Variants in NPR3 observed in about 807,000 individuals in gnomAD.
The protein encoded by NPR3 is natriuretic peptide receptor 3, also known as atrial natriuretic peptide receptor 3.
A neutral mutation model predicts 54.5 loss-of-function variants in NPR3; 34 were observed. The ratio of observed to expected loss-of-function variants is 0.62; its 90% confidence interval spans 0.47 to 0.83. The LOEUF is 0.83. Ranked by LOEUF, NPR3 falls within the 40% of genes least tolerant of loss-of-function variation. NPR3 has a pLI of 0.00. For synonymous variants in NPR3, 289 were observed against 297.1 expected, an observed-to-expected ratio of 0.97 and a Z score of 0.28; for missense variants, 674 against 720.8, an observed-to-expected ratio of 0.94 and a Z score of 0.74.
intron 2 of NPR3, among the ~76,000 whole-genome samples, chr5:32,736,983 G>GCAAAC (rs1327823705): frequency 6.6e-5 from 10 of 152,176 alleles, no homozygotes; most frequent in African/African-American, 2.4e-4. Flanking sequence ...AGATGCCTCT[G>GCAAAC]CAAACATTTT....
At chr5:32,704,879 G>A (rs1261870820), upstream of NPR3, among the ~76,000 whole-genome samples, 1 of 152,166 alleles carries the variant, frequency 6.6e-6, no homozygotes, top group African/African-American at 2.4e-5. Flanking sequence ...TTGGAAGAAG[G>A]CAGCGTACAA....
chr5:32,753,684 A>G (rs969954805), intron 3 of NPR3, among the ~76,000 whole-genome samples: 1 of 134,910 alleles, frequency 7.4e-6, no homozygotes, highest in Non-Finnish European at 1.5e-5. Context: ...ACAAAACATT[A>G]GAGGTTCAGT....
intron 5 of NPR3, among the ~76,000 whole-genome samples, chr5:32,781,529 C>G (rs1053892483): frequency 6.6e-6 from 1 of 152,168 alleles, no homozygotes; most frequent in African/African-American, 2.4e-5. Flanking sequence ...CTGTTTTCCT[C>G]TTTGTATGTA....
chr5:32,693,653 T>G (rs1740454775), intron 1 of NPR3, among the ~76,000 whole-genome samples: 1 of 152,238 alleles, frequency 6.6e-6, no homozygotes, highest in African/African-American at 2.4e-5. Context: ...AAATATAACT[T>G]GGGCCACATC....
At position 32,711,787 on chromosome 5, in the gene NPR3, T is replaced by C; in HGVS notation, c.11T>C (p.Leu4Pro). 1 of 1,430,996 alleles carries C rather than the reference T, an allele frequency of 7.0e-7. No individual in the cohort carries two copies. The highest frequency in any genetic ancestry group is 9.2e-7 in the Non-Finnish European group (1 of 1,091,288). 88.6% of individuals were successfully genotyped at this position (1,430,996 alleles called of 1,614,324 possible). A position where few individuals can be genotyped will look rare whatever the true frequency, so the allele number is the denominator to read the frequency against. ...CTTTCTTGCGGCACGATGCCGTCTC[T>C]GCTGGTGCTCACTTTCTCCCCGTGC... is the stretch of plus-strand genomic sequence containing the variant. MPS[L>P]LVLTFSPCVL... The change falls in exon 1 of 8, where the codon CTG becomes CCG. Residue 4 changes from leucine (L) to proline (P), a missense_variant. Transcript: ENST00000265074.
chr5:32,751,011 G>A (rs553525162), intron 3 of NPR3, among the ~76,000 whole-genome samples: 71 of 152,174 alleles, frequency 4.7e-4, no homozygotes, highest in Middle Eastern at 6.8e-3. Flanking sequence ...GCTCTTTGTT[G>A]GCTTTTAAAA....
At chr5:32,780,926 A>G in intron 5 of NPR3, 110 bp downstream of exon 5, 1 of 622,818 alleles carries the variant, frequency 1.6e-6, no homozygotes, top group Middle Eastern at 2.8e-4. Context: ...TTCCAAATAA[A>G]AATGAGTTGA....
At chr5:32,717,090 G>A (rs1738599358) in intron 1 of NPR3, among the ~76,000 whole-genome samples, 1 of 148,990 alleles carries the variant, frequency 6.7e-6, no homozygotes, top group Non-Finnish European at 1.5e-5. Context: ...ACCTATGAGT[G>A]AGAACATGTG....
intron 3 of NPR3, among the ~76,000 whole-genome samples, chr5:32,756,485 T>C (rs1740847334): frequency 6.6e-6 from 1 of 152,256 alleles, no homozygotes. Context: ...TTGAGTTCTT[T>C]GTAGATTCCG....
upstream of NPR3, chr5:32,710,853 G>C (rs1289586500): frequency 2.7e-6 from 3 of 1,118,074 alleles, no homozygotes; most frequent in Admixed American, 8.0e-5. Context: ...CTTTCCCCCA[G>C]TCCTGGTTTT....
intron 1 of NPR3, chr5:32,713,297 C>T (rs1738365322): frequency 1.0e-6 from 1 of 985,332 alleles, no homozygotes; most frequent in Non-Finnish European, 1.2e-6. Context: ...TCCACCTGTC[C>T]CCCAAGTTTT....
intron 3 of NPR3, among the ~76,000 whole-genome samples, chr5:32,749,942 T>A (rs1186844755): frequency 2.0e-5 from 3 of 152,200 alleles, no homozygotes; most frequent in Admixed American, 2.0e-4. Context: ...TGAGAGCTCC[T>A]TATACAGACT....
In NPR3 at chr5:32,783,196, C is replaced by T. The variant is rs192121769; in HGVS notation, c.1426+168C>T. The stretch of plus-strand genomic sequence containing the variant: ...GTTCACAAACTGGCATCTTTCAGGT[C>T]TTCCTTCCCTTCCAGTCTTCTCTTC... On this transcript the variant is annotated intron_variant, in intron 6 of 7. Transcript: ENST00000265074. 6.8e-5 allele frequency: 36 copies of T among 526,296 alleles called. 1 individual carries two copies. The Admixed American group carries it at 1.1e-3, about 16-fold the overall frequency. The allele number at this position is 526,296 out of a possible 1,614,324, so 32.6% of individuals were successfully genotyped here.
intron 1 of NPR3, chr5:32,716,804 A>G (rs576014910): frequency 5.8e-5 from 9 of 153,896 alleles, no homozygotes; most frequent in African/African-American, 2.2e-4. Context: ...CTATGGATTT[A>G]TAATTAAATA....
In NPR3 at chr5:32,785,032, C is replaced by G. The variant is rs538668365; in HGVS notation, c.1514+149C>G. On this transcript the variant is annotated intron_variant, in intron 7 of 7. Coordinates refer to ENST00000265074, the MANE Select transcript of NPR3 (RefSeq NM_001204375.2). ...ATCTCAGCCATTCTTTTGGCAGGAC[C>G]CCAGGTTTGGTGTGGTCAGTGGTTT... 1.7e-5 allele frequency: 12 copies of G among 691,536 alleles called. No individual in the cohort carries two copies. The Admixed American group carries it at 2.8e-4, about 16-fold the overall frequency. The allele number at this position is 691,536 out of a possible 1,614,324, so 42.8% of individuals were successfully genotyped here.
rs201511098 is a variant in NPR3, at chr5:32,789,283, TG to T, written c.*2941del. 2 of 412,668 alleles carry T rather than the reference TG, an allele frequency of 4.8e-6. No individual in the cohort carries two copies. Among genetic ancestry groups the T allele is most frequent in the Non-Finnish European group, 4.8e-6 (1 of 206,248 alleles). The allele number at this position is 412,668 out of a possible 1,614,324, so 25.6% of individuals were successfully genotyped here. On this transcript the variant is annotated 3_prime_UTR_variant, in exon 8 of 8. Coordinates refer to ENST00000265074, the MANE Select transcript of NPR3 (RefSeq NM_001204375.2). ...GGTCATCATTGTCTTCTTAGATTTTTGGGTAGGGGGGCCAGGTAGGGGGAGA... is the reference window on the plus strand; with the variant it reads ...GGTCATCATTGTCTTCTTAGATTTTTGGTAGGGGGGCCAGGTAGGGGGAGA...
chr5:32,710,457 A>G, upstream of NPR3: 1 of 443,738 alleles, frequency 2.3e-6, no homozygotes, highest in South Asian at 5.6e-5. Flanking sequence ...CAGAAGTTGA[A>G]CCATTCCCTC....
chr5:32,740,769 G>GCAGAGGCCTTGTTCGAGTGCT (rs1194565314), intron 3 of NPR3, among the ~76,000 whole-genome samples: 1 of 152,152 alleles, frequency 6.6e-6, no homozygotes, highest in Non-Finnish European at 1.5e-5. Flanking sequence ...CTTACAGTGT[G>GCAGAGGCCTTGTTCGAGTGCT]CAGAGGCCTT....
intron 6 of NPR3, among the ~76,000 whole-genome samples, chr5:32,784,276 C>A (rs1742492550): frequency 1.3e-5 from 2 of 152,180 alleles, no homozygotes; most frequent in South Asian, 4.1e-4. Context: ...GCAACCTCCA[C>A]CTTCCAGGTT....
Sources: allele counts gnomAD v4.1 joint callset (sites outside exome capture counted in the v4.1 genomes callset), GRCh38; gene constraint gnomAD v4.1.1; transcripts MANE v1.5; gene names NCBI Gene and HGNC (gene_info 2026-07-23, HGNC 2026-07-21).